CRYBG1: variants seen among roughly 807,000 people sequenced by gnomAD.
CRYBG1 encodes the protein beta/gamma crystallin domain-containing protein 1.
A neutral mutation model predicts 189.2 loss-of-function variants in CRYBG1; 139 were observed. The observed-to-expected ratio is 0.73, with a 90% CI of 0.64 to 0.85. The LOEUF is 0.85. Ranked by LOEUF, CRYBG1 falls within the 40% of genes least tolerant of loss-of-function variation. The probability of loss-of-function intolerance (pLI) is 0.00; values close to 1 mark genes in which losing one functional copy is unlikely to be tolerated. For missense variants in CRYBG1, 2,611 were observed against 2,675.8 expected (o/e 0.98, Z 0.53); for synonymous variants, 1,023 against 1,017.1 (o/e 1.01, Z -0.11).
chr6:106,417,698 C>T (rs1056604506), intron 1 of CRYBG1, among the ~76,000 whole-genome samples: 2 of 152,204 alleles, frequency 1.3e-5, no homozygotes, highest in Non-Finnish European at 2.9e-5. Context: ...ACACTCAGTC[C>T]CTTGTGGGAG....
At chr6:106,473,415 A>C (rs2114470183) in intron 2 of CRYBG1, among the ~76,000 whole-genome samples, 1 of 152,330 alleles carries the variant, frequency 6.6e-6, no homozygotes, top group South Asian at 2.1e-4. Flanking sequence ...AGATGCAGAT[A>C]GTTACATATA....
intron 2 of CRYBG1, among the ~76,000 whole-genome samples, chr6:106,474,677 G>A (rs991044919): frequency 6.6e-6 from 1 of 152,126 alleles, no homozygotes; most frequent in Non-Finnish European, 1.5e-5. Flanking sequence ...GTGACCAAGG[G>A]GAGGCTGTGT....
At chr6:106,529,489 A>C (rs901583849) in intron 7 of CRYBG1, among the ~76,000 whole-genome samples, 1 of 152,228 alleles carries the variant, frequency 6.6e-6, no homozygotes, top group Non-Finnish European at 1.5e-5. Context: ...AGCTTATTCA[A>C]GTGTTAATAT....
At chr6:106,559,964 G>A (rs1379451820) in intron 18 of CRYBG1, among the ~76,000 whole-genome samples, 1 of 151,862 alleles carries the variant, frequency 6.6e-6, no homozygotes, top group Admixed American at 6.6e-5. Flanking sequence ...GTGTGGTGGT[G>A]CACGCCTGTA....
Position 106,502,115 on chromosome 6 carries a change from G to A in CRYBG1, c.313-9315G>A, listed in dbSNP as rs536617719. ...GCTGTGTTAGTTGTCTCCAAGGGCC[G>A]CTTCACCCTCTTTCCCCCAACTTAA... On this transcript the variant is annotated intron_variant, in intron 2 of 21. Transcript: ENST00000633556. Among the ~76,000 whole-genome samples, 14 of 152,198 alleles carry A rather than the reference G, an allele frequency of 9.2e-5. No homozygotes were observed. In the East Asian group the frequency reaches 1.4e-3, roughly 15 times the overall value.
chr6:106,548,998 G>GT (rs1774335492), intron 13 of CRYBG1, among the ~76,000 whole-genome samples: 1 of 149,424 alleles, frequency 6.7e-6, no homozygotes, highest in Non-Finnish European at 1.5e-5. Context: ...GCGGTGTTTG[G>GT]TTTTTTGTCC....
chr6:106,439,223 A>G (rs950083439), intron 1 of CRYBG1, among the ~76,000 whole-genome samples: 2 of 152,140 alleles, frequency 1.3e-5, no homozygotes, highest in Middle Eastern at 3.2e-3. Flanking sequence ...AAAAATACCA[A>G]TAGCCTTTAT....
chr6:106,396,631 G>A lies in CRYBG1; in HGVS notation c.173+35550G>A, dbSNP rs141434032. Among the ~76,000 whole-genome samples, 106 of 152,296 alleles carry A rather than the reference G, an allele frequency of 7.0e-4. 1 individual carries two copies. The Middle Eastern group carries it at 0.037, about 54-fold the overall frequency. Reference sequence around the variant, plus strand: ...CTTCTTGACCACATGTACAGACTGTGGACTTTCTGAGGACCTGTTCTACCA... The same window carrying A: ...CTTCTTGACCACATGTACAGACTGTAGACTTTCTGAGGACCTGTTCTACCA... On this transcript the variant is annotated intron_variant, in intron 1 of 21. Transcript: ENST00000633556.
chr6:106,505,744 A>T (rs1208818983), intron 2 of CRYBG1, among the ~76,000 whole-genome samples: 1 of 151,712 alleles, frequency 6.6e-6, no homozygotes, highest in African/African-American at 2.4e-5. Flanking sequence ...TTACAAAAAA[A>T]CTGCTCAGGA....
chr6:106,482,168 C>T (rs76908835), intron 2 of CRYBG1, among the ~76,000 whole-genome samples: 11,866 of 136,020 alleles, frequency 0.087, no homozygotes, highest in East Asian at 0.15. Flanking sequence ...TGGCAGAATT[C>T]ATCTCCTTGA....
At position 106,543,544 on chromosome 6, in the gene CRYBG1, A is replaced by G. The variant is rs1427437263; in HGVS notation, c.4986A>G (p.Gly1662=). The G allele has an allele frequency of 6.2e-7, 1 of 1,614,008 alleles. No individual in the cohort carries two copies. Among genetic ancestry groups the G allele is most frequent in the African/African-American group, 1.3e-5 (1 of 74,930 alleles). The change falls in exon 11 of 22, where the codon GGA becomes GGG. Residue 1662 remains glycine, a synonymous_variant. Coordinates refer to ENST00000633556, the MANE Select transcript of CRYBG1 (RefSeq NM_001371242.2). ...GAGGTGAAACAGAAGAGGCGACTGG[A>G]GACGATCATTTGCCGTTTACGTCAG... is the stretch of plus-strand genomic sequence containing the variant. ...MEGGETEEAT[G]DDHLPFTSVG...
intron 21 of CRYBG1, among the ~76,000 whole-genome samples, chr6:106,567,087 T>C (rs758056144): frequency 1.3e-4 from 20 of 152,232 alleles, no homozygotes; most frequent in Non-Finnish European, 2.4e-4. Flanking sequence ...ATGATTCTAG[T>C]TGAATTTATA....
chr6:106,379,244 C>A (rs1354742466), intron 1 of CRYBG1, among the ~76,000 whole-genome samples: 1 of 151,674 alleles, frequency 6.6e-6, no homozygotes, highest in African/African-American at 2.4e-5. Context: ...AAATAATAAC[C>A]TTTGTTTTCC....
At chr6:106,528,441 T>C (rs759607451) in intron 7 of CRYBG1, among the ~76,000 whole-genome samples, 42 of 152,232 alleles carry the variant, frequency 2.8e-4, no homozygotes, top group Non-Finnish European at 3.8e-4. Context: ...CCTCCCCTTT[T>C]ATTTTTTGAA....
intron 1 of CRYBG1, among the ~76,000 whole-genome samples, chr6:106,367,922 C>T (rs1460348062): frequency 6.6e-6 from 1 of 151,996 alleles, no homozygotes; most frequent in African/African-American, 2.4e-5. Context: ...TGCACTCTAG[C>T]CTGGGTGACA....
chr6:106,501,209 A>G (rs1233919544), intron 2 of CRYBG1, among the ~76,000 whole-genome samples: 1 of 152,234 alleles, frequency 6.6e-6, no homozygotes, highest in Non-Finnish European at 1.5e-5. Context: ...GCTATGAAGA[A>G]AAATAAAGGA....
At chr6:106,543,826 C>T (rs529875081) in intron 11 of CRYBG1, among the ~76,000 whole-genome samples, 9 of 152,226 alleles carry the variant, frequency 5.9e-5, no homozygotes, top group African/African-American at 9.6e-5. Context: ...CCAAGGCGGG[C>T]GGATCACCTG....
At chr6:106,483,197 C>T (rs1772507371) in intron 2 of CRYBG1, among the ~76,000 whole-genome samples, 1 of 151,948 alleles carries the variant, frequency 6.6e-6, no homozygotes, top group Non-Finnish European at 1.5e-5. Flanking sequence ...ATGTTATCTA[C>T]TCTTCTTTGT....
intron 2 of CRYBG1, among the ~76,000 whole-genome samples, chr6:106,458,469 A>G (rs1306253592): frequency 6.6e-6 from 1 of 152,198 alleles, no homozygotes; most frequent in Admixed American, 6.5e-5. Flanking sequence ...CCTTGAACTC[A>G]GTACTTATTG....
Sources: allele counts gnomAD v4.1 joint callset (sites outside exome capture counted in the v4.1 genomes callset), GRCh38; gene constraint gnomAD v4.1.1; transcripts MANE v1.5; gene names NCBI Gene and HGNC (gene_info 2026-07-23, HGNC 2026-07-21).